GRM3: variants seen among roughly 807,000 people sequenced by gnomAD.
GRM3 encodes glutamate metabotropic receptor 3.
In GRM3, 26 loss-of-function variants were observed where a neutral mutation model predicts 70.5. The observed-to-expected ratio is 0.37, with a 90% confidence interval of 0.27 to 0.51. The LOEUF (loss-of-function observed/expected upper bound fraction) is 0.51. Among genes scored for constraint, GRM3 ranks in the 20% least tolerant of loss-of-function variants. The pLI, the probability that GRM3 is intolerant of heterozygous loss-of-function variation, is 0.93. For synonymous variants in GRM3, 443 were observed against 434.9 expected (o/e 1.02, Z -0.23); for missense variants, 859 against 1,123.8 (o/e 0.76, Z 3.37).
intron 3 of GRM3, among the ~76,000 whole-genome samples, chr7:86,805,421 A>G (rs1797769598): frequency 6.6e-6 from 1 of 152,192 alleles, no homozygotes; most frequent in African/African-American, 2.4e-5. Flanking sequence ...GCTACAGTTA[A>G]TGAACCAACA....
At chr7:86,770,143 A>G (rs941864166) in intron 2 of GRM3, among the ~76,000 whole-genome samples, 1 of 152,188 alleles carries the variant, frequency 6.6e-6, no homozygotes, top group African/African-American at 2.4e-5. Flanking sequence ...CACTCTTTCC[A>G]GAGAACACAT....
chr7:86,780,125 G>T (rs569183862), intron 2 of GRM3, among the ~76,000 whole-genome samples: 11 of 152,230 alleles, frequency 7.2e-5, no homozygotes, highest in South Asian at 4.1e-4. Flanking sequence ...GTCTATCATT[G>T]TTGGACATTT....
intron 1 of GRM3, among the ~76,000 whole-genome samples, chr7:86,687,455 G>T (rs1794593672): frequency 6.6e-6 from 1 of 151,254 alleles, no homozygotes; most frequent in Non-Finnish European, 1.5e-5. Context: ...ACAAGACAAT[G>T]GATGGATATA....
At chr7:86,821,820 TCTC>T (rs1798126849) in intron 3 of GRM3, among the ~76,000 whole-genome samples, 1 of 152,144 alleles carries the variant, frequency 6.6e-6, no homozygotes, top group Admixed American at 6.6e-5. Context: ...AATTTTTCCC[TCTC>T]CTCATTTTTA....
At chr7:86,673,320 G>A (rs1360269355) in intron 1 of GRM3, among the ~76,000 whole-genome samples, 2 of 152,038 alleles carry the variant, frequency 1.3e-5, no homozygotes, top group Non-Finnish European at 2.9e-5. Flanking sequence ...TACTTCATCT[G>A]GAAAACTAGT....
intron 1 of GRM3, among the ~76,000 whole-genome samples, chr7:86,712,640 C>A (rs780620158): frequency 2.0e-5 from 3 of 151,852 alleles, no homozygotes; most frequent in Non-Finnish European, 4.4e-5. Flanking sequence ...ATGGCCTTAC[C>A]CCTCTACTCT....
intron 1 of GRM3, among the ~76,000 whole-genome samples, chr7:86,711,527 A>T (rs1022122755): frequency 3.3e-5 from 5 of 152,054 alleles, no homozygotes; most frequent in African/African-American, 1.2e-4. Context: ...TTCCACTCCC[A>T]TCATTGCACA....
intron 5 of GRM3, among the ~76,000 whole-genome samples, chr7:86,859,241 C>T (rs1333590151): frequency 2.0e-5 from 3 of 152,136 alleles, no homozygotes; most frequent in Non-Finnish European, 4.4e-5. Flanking sequence ...AGATTTCAGG[C>T]CCAACCCACT....
chr7:86,864,429 G>A lies in GRM3; in HGVS notation c.*74G>A. On this transcript the variant is annotated 3_prime_UTR_variant, in exon 6 of 6. Coordinates refer to ENST00000361669, the MANE Select transcript of GRM3 (RefSeq NM_000840.3). Reference sequence around the variant, plus strand: ...TGCTCACGTGCAGCTCCAGAATATGGAAACAGAGCAAAAGAACAACCCTAG... The same window carrying A: ...TGCTCACGTGCAGCTCCAGAATATGAAAACAGAGCAAAAGAACAACCCTAG... The A allele has an allele frequency of 2.0e-6, 2 of 1,023,856 alleles. No homozygotes were observed. Among genetic ancestry groups the A allele is most frequent in the Non-Finnish European group, 3.1e-6 (2 of 640,862 alleles). 63.4% of individuals were successfully genotyped at this position (1,023,856 alleles called of 1,614,324 possible).
At chr7:86,734,966 T>C (rs529747478) in intron 1 of GRM3, among the ~76,000 whole-genome samples, 1 of 152,328 alleles carries the variant, frequency 6.6e-6, no homozygotes, top group East Asian at 1.9e-4. Flanking sequence ...GTGTGAAGGC[T>C]TATTATTACT....
At chr7:86,769,442 A>T (rs1156321612) in intron 2 of GRM3, among the ~76,000 whole-genome samples, 2 of 152,092 alleles carry the variant, frequency 1.3e-5, no homozygotes, top group Non-Finnish European at 2.9e-5. Flanking sequence ...CATTTTGTGC[A>T]TCTTCCCTTT....
intron 5 of GRM3, among the ~76,000 whole-genome samples, chr7:86,863,885 G>A (rs940991025): frequency 2.0e-5 from 3 of 152,202 alleles, no homozygotes; most frequent in African/African-American, 4.8e-5. Flanking sequence ...GAGGTATAAC[G>A]TTAGTGGAGG....
At chr7:86,796,165 A>G (rs937019596) in intron 3 of GRM3, among the ~76,000 whole-genome samples, 12 of 152,136 alleles carry the variant, frequency 7.9e-5, no homozygotes, top group Admixed American at 6.5e-4. Flanking sequence ...TGTATTACCT[A>G]GTTTTTCTTA....
intron 1 of GRM3, among the ~76,000 whole-genome samples, chr7:86,692,316 G>C (rs930360909): frequency 2.0e-5 from 3 of 152,120 alleles, no homozygotes; most frequent in African/African-American, 7.2e-5. Flanking sequence ...TATAGAGTCT[G>C]TCTACATAAT....
intron 1 of GRM3, among the ~76,000 whole-genome samples, chr7:86,697,271 T>C (rs966702464): frequency 2.7e-5 from 4 of 149,374 alleles, no homozygotes; most frequent in Admixed American, 2.0e-4. Context: ...AGGACAATTA[T>C]AGTATACAAT....
intron 4 of GRM3, among the ~76,000 whole-genome samples, chr7:86,846,431 GTC>G (rs368001301): frequency 2.0e-5 from 3 of 151,774 alleles, no homozygotes; most frequent in Non-Finnish European, 2.9e-5. Flanking sequence ...TTCTCTGAAA[GTC>G]TCTCTCTCTC....
intron 1 of GRM3, among the ~76,000 whole-genome samples, chr7:86,719,093 A>G (rs950443295): frequency 1.3e-5 from 2 of 151,988 alleles, no homozygotes; most frequent in Admixed American, 6.6e-5. Context: ...CTACTCATCT[A>G]TATAAAGAAG....
At position 86,786,499 on chromosome 7, in the gene GRM3, T is replaced by C; in HGVS notation, c.707T>C (p.Leu236Pro). Reference protein sequence around the residue: ...GIEAFEQEARLRNICIATAEK... With the variant: ...GIEAFEQEARPRNICIATAEK... ...GAGGCCTTCGAGCAGGAAGCCCGCC[T>C]GCGCAACATCTGCATCGCTACGGCG... The change falls in exon 3 of 6, where the codon CTG becomes CCG. Residue 236 changes from leucine to proline, a missense_variant. Coordinates refer to ENST00000361669, the MANE Select transcript of GRM3 (RefSeq NM_000840.3). This position sits in a 1 kb window ranked among gnomAD's most constrained non-coding sequence, Gnocchi z 6.0. 1 of 1,614,226 alleles carries C rather than the reference T, an allele frequency of 6.2e-7. No homozygotes were observed. Among genetic ancestry groups the C allele is most frequent in the Non-Finnish European group, 8.5e-7 (1 of 1,180,048 alleles).
chr7:86,772,247 A>T (rs1796763844), intron 2 of GRM3, among the ~76,000 whole-genome samples: 1 of 152,122 alleles, frequency 6.6e-6, no homozygotes, highest in African/African-American at 2.4e-5. Context: ...GAACTGAAAG[A>T]TGTTAACCTG....
Sources: gnomAD v4.1 joint callset for allele counts (sites outside exome capture counted in the v4.1 genomes callset) on GRCh38, gnomAD v4.1.1 for gene constraint, Gnocchi (gnomAD v3.1) non-coding constraint, MANE v1.5 for transcripts, NCBI Gene and HGNC (gene_info 2026-07-23, HGNC 2026-07-21) for gene names.